SBF2: variants seen among roughly 807,000 people sequenced by gnomAD.
SBF2 encodes the protein myotubularin-related protein 13.
Under a neutral mutation model 225.2 loss-of-function variants are expected in SBF2, and 112 were observed. The ratio of observed to expected loss-of-function variants is 0.50; its 90% CI spans 0.43 to 0.58. The LOEUF (loss-of-function observed/expected upper bound fraction) is 0.58. Ranked by LOEUF, SBF2 falls within the 20% of genes least tolerant of loss-of-function variation. The probability of loss-of-function intolerance (pLI) is 0.00; values close to 1 mark genes in which losing one functional copy is unlikely to be tolerated. For missense variants in SBF2, 1,996 were observed against 2,206.2 expected (o/e 0.90, Z 1.91); for synonymous variants, 763 against 773.3 (o/e 0.99, Z 0.22).
At chr11:9,876,465 G>T (rs375895902) in intron 17 of SBF2, among the ~76,000 whole-genome samples, 11 of 152,218 alleles carry the variant, frequency 7.2e-5, no homozygotes, top group African/African-American at 2.6e-4. Flanking sequence ...ATAAGGGTGA[G>T]GCCCTGATCC....
intron 32 of SBF2, among the ~76,000 whole-genome samples, chr11:9,805,069 A>G (rs1462198852): frequency 6.6e-6 from 1 of 152,024 alleles, no homozygotes; most frequent in African/African-American, 2.4e-5. Context: ...ACATGGCAAA[A>G]CCCTGTCTCT....
At chr11:10,257,664 CAAA>C (rs58743421) in intron 1 of SBF2, among the ~76,000 whole-genome samples, 2 of 39,054 alleles carry the variant, frequency 5.1e-5, no homozygotes, top group Non-Finnish European at 4.0e-5. Flanking sequence ...GGCCTTGCCT[CAAA>C]AAAAAAAAAA....
In SBF2 at chr11:9,856,497, C is replaced by T. The variant is rs1488024984; in HGVS notation, c.2324G>A (p.Gly775Asp). 5 of 1,614,038 alleles carry T rather than the reference C, an allele frequency of 3.1e-6. No homozygotes were observed. The highest frequency in any genetic ancestry group is 4.2e-6 in the Non-Finnish European group (5 of 1,180,032). ...KNKLLRTSAP[G>D]DWESGSNSIV... The stretch of plus-strand genomic sequence containing the variant: ...GCTGTTGCTTCCGCTCTCCCAGTCA[C>T]CTGGCGCTGATGTTCTTAGGAGCTT... The change falls in exon 19 of 40, where the codon GGT (glycine) becomes GAT (aspartate). Residue 775 changes from glycine to aspartate, a missense_variant. Coordinates refer to ENST00000256190, the MANE Select transcript of SBF2 (RefSeq NM_030962.4).
At chr11:10,111,626 A>G (rs1371520316) in intron 2 of SBF2, among the ~76,000 whole-genome samples, 2 of 152,280 alleles carry the variant, frequency 1.3e-5, no homozygotes, top group African/African-American at 4.8e-5. Flanking sequence ...CTGTAATCCC[A>G]GCACTTTGGG....
intron 1 of SBF2, among the ~76,000 whole-genome samples, chr11:10,235,099 T>G (rs546867911): frequency 6.6e-6 from 1 of 152,222 alleles, no homozygotes; most frequent in Non-Finnish European, 1.5e-5. Flanking sequence ...TTATAAAGAT[T>G]GAAATGAGAT....
chr11:9,938,352 T>A (rs948568231), intron 16 of SBF2, among the ~76,000 whole-genome samples: 1 of 151,792 alleles, frequency 6.6e-6, no homozygotes, highest in African/African-American at 2.4e-5. Context: ...ATAAATGGAA[T>A]GCAATTCCAA....
At chr11:9,837,275 CT>C (rs560672832) in intron 26 of SBF2, among the ~76,000 whole-genome samples, 5 of 152,192 alleles carry the variant, frequency 3.3e-5, no homozygotes, top group Admixed American at 1.3e-4. Context: ...GTAGACTTCT[CT>C]GAGGCCTTCA....
chr11:9,981,802 A>G (rs1257970669), intron 13 of SBF2, among the ~76,000 whole-genome samples: 1 of 152,228 alleles, frequency 6.6e-6, no homozygotes, highest in African/African-American at 2.4e-5. Flanking sequence ...TAGATTAGAA[A>G]CAGTATCGAA....
intron 16 of SBF2, 81 bp downstream of exon 16, chr11:9,961,876 A>C (rs750372795): frequency 7.5e-7 from 1 of 1,332,088 alleles, no homozygotes; most frequent in Non-Finnish European, 1.1e-6. Context: ...AAGAACTGAT[A>C]TATTGGTAAT....
chr11:10,301,696 G>C (rs1197486314), intron 1 of SBF2, among the ~76,000 whole-genome samples: 1 of 152,096 alleles, frequency 6.6e-6, no homozygotes. Flanking sequence ...GGCCACTCTG[G>C]CTTTAAGAAC....
In SBF2 at chr11:9,853,628, C is replaced by T. The variant is rs192685705; in HGVS notation, c.2448G>A (p.Val816=). 27 of 1,613,904 alleles carry T rather than the reference C, an allele frequency of 1.7e-5. No individual in the cohort carries two copies. The highest frequency in any genetic ancestry group is 2.2e-5 in the East Asian group (1 of 44,846). The change falls in exon 20 of 40, where the codon GTG becomes GTA. Residue 816 remains valine, a synonymous_variant. Transcript: ENST00000256190. ...SENTDIANSV[V]RFITRFIDKV... ...TGTCAATAAATCGGGTAATGAACCGCACAACAGAATTGGCAATGTCAGTAT... is the reference window on the plus strand; with the variant it reads ...TGTCAATAAATCGGGTAATGAACCGTACAACAGAATTGGCAATGTCAGTAT...
At chr11:9,904,840 T>C (rs377056445) in intron 16 of SBF2, among the ~76,000 whole-genome samples, 5 of 152,112 alleles carry the variant, frequency 3.3e-5, no homozygotes, top group Non-Finnish European at 7.4e-5. Context: ...GCCTGAGTGA[T>C]AGTAAGAGCT....
intron 2 of SBF2, among the ~76,000 whole-genome samples, chr11:10,185,111 G>A (rs532317371): frequency 6.8e-6 from 1 of 147,324 alleles, no homozygotes; most frequent in African/African-American, 2.5e-5. Context: ...TAATATTCTG[G>A]GGGGGGGTGT....
intron 6 of SBF2, among the ~76,000 whole-genome samples, chr11:10,005,666 A>G (rs1024244606): frequency 5.9e-5 from 9 of 152,170 alleles, no homozygotes; most frequent in African/African-American, 2.2e-4. Context: ...GCTGTCGGTA[A>G]CATACTTTGG....
At chr11:10,067,108 A>G (rs1377623617) in intron 2 of SBF2, among the ~76,000 whole-genome samples, 1 of 151,826 alleles carries the variant, frequency 6.6e-6, no homozygotes, top group East Asian at 1.9e-4. Flanking sequence ...TGGGACCCTG[A>G]CTCTGTTTTT....
At chr11:10,195,844 G>C (rs952070350) in intron 1 of SBF2, among the ~76,000 whole-genome samples, 2 of 152,076 alleles carry the variant, frequency 1.3e-5, no homozygotes, top group African/African-American at 4.8e-5. Context: ...CTTGTTATAG[G>C]GGAATGAAGG....
At chr11:10,293,145 A>G (rs1282844759) in intron 1 of SBF2, among the ~76,000 whole-genome samples, 1 of 152,244 alleles carries the variant, frequency 6.6e-6, no homozygotes, top group Non-Finnish European at 1.5e-5. Flanking sequence ...TCCCAGCTCA[A>G]TTTGTTATTA....
intron 14 of SBF2, among the ~76,000 whole-genome samples, chr11:9,965,981 G>C (rs1866882575): frequency 6.6e-6 from 1 of 152,178 alleles, no homozygotes; most frequent in African/African-American, 2.4e-5. Flanking sequence ...TTTATTGAGA[G>C]AGCAATGTGT....
intron 6 of SBF2, among the ~76,000 whole-genome samples, chr11:10,007,126 G>C (rs1257171272): frequency 2.0e-5 from 3 of 152,162 alleles, no homozygotes; most frequent in Non-Finnish European, 2.9e-5. Context: ...AGGGCTCTCT[G>C]TTCTCTCTGG....
Sources: gnomAD v4.1 joint callset for allele counts (sites outside exome capture counted in the v4.1 genomes callset) on GRCh38, gnomAD v4.1.1 for gene constraint, MANE v1.5 for transcripts, NCBI Gene and HGNC (gene_info 2026-07-23, HGNC 2026-07-21) for gene names.